The following CERT1 variants were observed in gnomAD, a reference collection of about 807,000 sequenced individuals.
CERT1 encodes ceramide transfer protein.
Under a neutral mutation model 87.9 loss-of-function variants are expected in CERT1, and 31 were observed. The ratio of observed to expected loss-of-function variants is 0.35; its 90% CI spans 0.27 to 0.48. The LOEUF (loss-of-function observed/expected upper bound fraction) is 0.48. CERT1 is among the 20% of genes least tolerant of loss of function. The pLI is 0.99. For missense variants in CERT1, 487 were observed against 758.0 expected (o/e 0.64, Z 4.20); for synonymous variants, 289 against 250.9 (o/e 1.15, Z -1.44).
At chr5:75,381,569 A>G (rs1192657989) in intron 15 of CERT1, among the ~76,000 whole-genome samples, 3 of 152,126 alleles carry the variant, frequency 2.0e-5, no homozygotes, top group Non-Finnish European at 2.9e-5. Flanking sequence ...GGGTCTAACC[A>G]TGTTGCCCAG....
intron 11 of CERT1, among the ~76,000 whole-genome samples, chr5:75,390,453 ATTT>A (rs895952794): frequency 3.9e-5 from 6 of 151,950 alleles, no homozygotes; most frequent in African/African-American, 1.2e-4. Context: ...TCCTTTTAAA[ATTT>A]TTTAATTTAA....
At chr5:75,504,598 T>A (rs1224164972) in intron 2 of CERT1, among the ~76,000 whole-genome samples, 1 of 152,208 alleles carries the variant, frequency 6.6e-6, no homozygotes, top group African/African-American at 2.4e-5. Context: ...ATCTTTCACT[T>A]TTATAAGCCA....
At position 75,382,017 on chromosome 5, in the gene CERT1, C is replaced by CTGG; in HGVS notation, c.1546_1548dup (p.Pro516dup). The CTGG allele has an allele frequency of 4.3e-6, 7 of 1,613,882 alleles. No individual in the cohort carries two copies. Among genetic ancestry groups the CTGG allele is most frequent in the Non-Finnish European group, 5.9e-6 (7 of 1,179,860 alleles). On this transcript the variant is annotated inframe_insertion, in exon 15 of 17. Coordinates refer to ENST00000643780, the MANE Select transcript of CERT1 (RefSeq NM_001379029.1). ...GTTTCAGGGTCATTTTCAGTCAAGG[C>CTGG]TGGTATCTTTCGAATGACAGAAAGA...
chr5:75,489,988 C>A (rs1451921655), intron 2 of CERT1, among the ~76,000 whole-genome samples: 2 of 152,168 alleles, frequency 1.3e-5, no homozygotes, highest in Non-Finnish European at 1.5e-5. Context: ...AAATGTGGCA[C>A]ATATACACCA....
intron 6 of CERT1, among the ~76,000 whole-genome samples, chr5:75,418,709 G>GA (rs1257485840): frequency 1.3e-5 from 2 of 151,836 alleles, no homozygotes; most frequent in Non-Finnish European, 2.9e-5. Context: ...CTCAAACTAA[G>GA]AAAAAAGCCA....
At chr5:75,485,084 C>T (rs960110929) in intron 2 of CERT1, among the ~76,000 whole-genome samples, 1 of 151,882 alleles carries the variant, frequency 6.6e-6, no homozygotes. Context: ...AAACAACACG[C>T]TCCAGAATGA....
At chr5:75,371,764 A>G (rs1761092427) in intron 17 of CERT1, 1 of 152,220 alleles carries the variant, frequency 6.6e-6, no homozygotes, top group South Asian at 2.1e-4. Context: ...AAAAGAGAGT[A>G]AAGGGTAGTT....
chr5:75,384,592 G>T, intron 14 of CERT1, 50 bp downstream of exon 14: 1 of 1,291,990 alleles, frequency 7.7e-7, no homozygotes, highest in South Asian at 1.3e-5. Context: ...CTATATGTCT[G>T]AGTTTGAACT....
At chr5:75,465,129 C>G (rs542702042) in intron 2 of CERT1, among the ~76,000 whole-genome samples, 1 of 152,212 alleles carries the variant, frequency 6.6e-6, no homozygotes, top group East Asian at 1.9e-4. Context: ...ATTCTGAGAT[C>G]CCTTCCTCTA....
At chr5:75,407,472 TAAAAA>T (rs546897411) in intron 8 of CERT1, among the ~76,000 whole-genome samples, 1 of 107,828 alleles carries the variant, frequency 9.3e-6, no homozygotes, top group African/African-American at 3.3e-5. Context: ...GGAAAAAAAT[TAAAAA>T]AAAAAAAAGG....
chr5:75,376,954 A>C (rs1761341163), downstream of CERT1: 1 of 152,224 alleles, frequency 6.6e-6, no homozygotes, highest in Non-Finnish European at 1.5e-5. Context: ...TTAGCTAAAG[A>C]AAAGGACTCA....
intron 2 of CERT1, among the ~76,000 whole-genome samples, chr5:75,460,398 G>A (rs1320765209): frequency 1.3e-5 from 2 of 152,134 alleles, no homozygotes; most frequent in African/African-American, 4.8e-5. Flanking sequence ...AGATCTACAT[G>A]AGCTATCTAG....
chr5:75,437,944 A>T (rs1764164852), intron 3 of CERT1, among the ~76,000 whole-genome samples: 1 of 152,134 alleles, frequency 6.6e-6, no homozygotes, highest in South Asian at 2.1e-4. Context: ...TTCATTGTTT[A>T]AAAATTAGTC....
intron 6 of CERT1, among the ~76,000 whole-genome samples, chr5:75,417,302 G>C (rs1334102485): frequency 6.6e-6 from 1 of 152,012 alleles, no homozygotes; most frequent in Non-Finnish European, 1.5e-5. Flanking sequence ...TCAAATGGTA[G>C]GAGGAGCAAT....
chr5:75,490,661 G>C (rs939818693), intron 2 of CERT1, among the ~76,000 whole-genome samples: 1 of 151,908 alleles, frequency 6.6e-6, no homozygotes, highest in Admixed American at 6.6e-5. Flanking sequence ...ACCACGCCTG[G>C]CTAATTTTTT....
intron 2 of CERT1, among the ~76,000 whole-genome samples, chr5:75,502,906 A>G (rs1458099555): frequency 1.3e-5 from 2 of 152,168 alleles, no homozygotes; most frequent in Admixed American, 1.3e-4. Context: ...ATCAAGCTAT[A>G]ATAACTGAAG....
At chr5:75,419,107 T>C (rs1308387882) in intron 6 of CERT1, among the ~76,000 whole-genome samples, 1 of 152,146 alleles carries the variant, frequency 6.6e-6, no homozygotes, top group Non-Finnish European at 1.5e-5. Context: ...GGGAAAAAAA[T>C]TGTCTTTTCA....
intron 2 of CERT1, among the ~76,000 whole-genome samples, chr5:75,477,647 T>TAAAAAAAAAAAAAAAA (rs540588442): frequency 4.5e-5 from 4 of 89,518 alleles, no homozygotes; most frequent in Non-Finnish European, 8.5e-5. Flanking sequence ...TAATAAGTTG[T>TAAAAAAAAAAAAAAAA]AAAAAAAAAA....
At chr5:75,382,177 A>C in intron 14 of CERT1, 100 bp from the exon 15 acceptor site, 1 of 1,090,396 alleles carries the variant, frequency 9.2e-7, no homozygotes, top group Non-Finnish European at 1.3e-6. Context: ...AAAATCTCTC[A>C]AATTTTAAAT....
Sources: allele counts gnomAD v4.1 joint callset (sites outside exome capture counted in the v4.1 genomes callset), GRCh38; gene constraint gnomAD v4.1.1; transcripts MANE v1.5; gene names NCBI Gene and HGNC (gene_info 2026-07-23, HGNC 2026-07-21).